The following DLGAP2 variants were observed in gnomAD, a reference collection of about 807,000 sequenced individuals.
DLGAP2 encodes the protein disks large-associated protein 2.
Under a neutral mutation model 100.3 loss-of-function variants are expected in DLGAP2, and 26 were observed. The ratio of observed to expected loss-of-function variants is 0.26; its 90% confidence interval spans 0.19 to 0.36. The LOEUF (loss-of-function observed/expected upper bound fraction) is 0.36. Ranked by LOEUF, DLGAP2 falls within the 10% of genes least tolerant of loss-of-function variation. The pLI, the probability that DLGAP2 is intolerant of heterozygous loss-of-function variation, is 1.00. For synonymous variants in DLGAP2, 886 were observed against 630.1 expected (o/e 1.41, Z -6.08); for missense variants, 1,858 against 1,453.2 (o/e 1.28, Z -4.53).
At position 1,140,310 on chromosome 8, in the gene DLGAP2, C is replaced by T. The variant is rs184141692; in HGVS notation, c.74-118541C>T. Reference sequence around the variant, plus strand: ...CCTTGGGAGGCTCTGGATGGTCCCACGCCTTCCCTCTGGCCTCCCTTCCAT... The same window carrying T: ...CCTTGGGAGGCTCTGGATGGTCCCATGCCTTCCCTCTGGCCTCCCTTCCAT... On this transcript the variant is annotated intron_variant, in intron 2 of 14. Coordinates refer to ENST00000637795, the MANE Select transcript of DLGAP2 (RefSeq NM_001346810.2). Among the ~76,000 whole-genome samples, 43 of 141,546 alleles carry T rather than the reference C, an allele frequency of 3.0e-4. 2 individuals carry two copies. The highest frequency in any genetic ancestry group is 2.9e-3 in the Admixed American group (38 of 13,194). 92.9% of individuals were successfully genotyped at this position (141,546 alleles called of 152,430 possible). A position where few individuals can be genotyped will look rare whatever the true frequency, so the allele number is the denominator to read the frequency against.
At chr8:1,213,846 G>C (rs981974687) in intron 2 of DLGAP2, among the ~76,000 whole-genome samples, 1 of 152,192 alleles carries the variant, frequency 6.6e-6, no homozygotes, top group African/African-American at 2.4e-5. Context: ...GGTGATCCCT[G>C]CTTGCCTAGA....
intron 1 of DLGAP2, among the ~76,000 whole-genome samples, chr8:818,889 T>C (rs190717936): frequency 6.6e-6 from 1 of 152,300 alleles, no homozygotes; most frequent in African/African-American, 2.4e-5. Context: ...TGATATAAAT[T>C]GATTCAACAA....
At chr8:1,588,593 C>T (rs1044271510) in intron 6 of DLGAP2, among the ~76,000 whole-genome samples, 3 of 151,938 alleles carry the variant, frequency 2.0e-5, no homozygotes, top group African/African-American at 7.3e-5. Context: ...AATATGTGTA[C>T]AGACTGTTAA....
intron 3 of DLGAP2, among the ~76,000 whole-genome samples, chr8:1,260,282 C>T (rs936839639): frequency 6.6e-6 from 1 of 152,088 alleles, no homozygotes; most frequent in Admixed American, 6.6e-5. Context: ...GCTTTGAGTT[C>T]ATTTTTCATT....
chr8:743,856 C>T (rs759567522), intron 1 of DLGAP2, among the ~76,000 whole-genome samples: 68 of 152,360 alleles, frequency 4.5e-4, no homozygotes, highest in African/African-American at 1.6e-3. Context: ...TGGGCCACTG[C>T]GCGATGCCTT....
At chr8:1,598,180 A>G (rs1366756688) in intron 6 of DLGAP2, among the ~76,000 whole-genome samples, 5 of 152,220 alleles carry the variant, frequency 3.3e-5, no homozygotes, top group Non-Finnish European at 5.9e-5. Flanking sequence ...TGATTTGCAT[A>G]TGTTGAACCA....
At chr8:1,391,322 C>G (rs1387233330) in intron 3 of DLGAP2, among the ~76,000 whole-genome samples, 1 of 152,086 alleles carries the variant, frequency 6.6e-6, no homozygotes, top group African/African-American at 2.4e-5. Flanking sequence ...TTTGGGGTAC[C>G]CTGCAGAACG....
chr8:1,224,128 G>A (rs1798369727), intron 2 of DLGAP2, among the ~76,000 whole-genome samples: 1 of 152,188 alleles, frequency 6.6e-6, no homozygotes, highest in East Asian at 1.9e-4. Context: ...GATTAAGATA[G>A]GTTTTCTCCT....
intron 6 of DLGAP2, among the ~76,000 whole-genome samples, chr8:1,607,430 A>T (rs6558500): frequency 6.6e-6 from 1 of 152,070 alleles, no homozygotes; most frequent in Non-Finnish European, 1.5e-5. Flanking sequence ...TTCTCAAAGG[A>T]AATCTAATTT....
chr8:1,554,433 C>T (rs1801886798), intron 5 of DLGAP2, among the ~76,000 whole-genome samples: 1 of 152,200 alleles, frequency 6.6e-6, no homozygotes, highest in South Asian at 2.1e-4. Context: ...CTGGGACAGC[C>T]TGGGCCACCT....
intron 10 of DLGAP2, among the ~76,000 whole-genome samples, chr8:1,674,298 G>C (rs1798759332): frequency 6.6e-6 from 1 of 152,196 alleles, no homozygotes; most frequent in Non-Finnish European, 1.5e-5. Flanking sequence ...TCCTGCCACA[G>C]CCTCCCAAAG....
intron 3 of DLGAP2, among the ~76,000 whole-genome samples, chr8:1,485,020 G>A (rs1379924637): frequency 6.6e-6 from 1 of 152,192 alleles, no homozygotes; most frequent in African/African-American, 2.4e-5. Flanking sequence ...CAATGAGGAT[G>A]AAAATTTTAC....
At chr8:1,631,209 C>T (rs889859228) in intron 7 of DLGAP2, among the ~76,000 whole-genome samples, 1 of 152,006 alleles carries the variant, frequency 6.6e-6, no homozygotes, top group African/African-American at 2.4e-5. Context: ...GAAGCATAGC[C>T]GAGGGTCCTT....
chr8:1,357,330 T>C (rs570112855), intron 3 of DLGAP2, among the ~76,000 whole-genome samples: 1 of 151,746 alleles, frequency 6.6e-6, no homozygotes, highest in Non-Finnish European at 1.5e-5. Context: ...ATGGCCAGAC[T>C]CATCACACTG....
chr8:1,455,260 C>T (rs545490328), intron 3 of DLGAP2, among the ~76,000 whole-genome samples: 7 of 152,360 alleles, frequency 4.6e-5, no homozygotes, highest in East Asian at 3.9e-4. Context: ...AGGTGGGTCC[C>T]GCCCATCTCA....
chr8:1,268,248 A>G (rs773356841), intron 3 of DLGAP2, among the ~76,000 whole-genome samples: 18 of 152,192 alleles, frequency 1.2e-4, no homozygotes, highest in Non-Finnish European at 2.2e-4. Flanking sequence ...GGTAATTTAA[A>G]CATCAGGCCG....
At chr8:1,134,038 T>C (rs746731943) in intron 2 of DLGAP2, among the ~76,000 whole-genome samples, 2 of 149,820 alleles carry the variant, frequency 1.3e-5, no homozygotes, top group Non-Finnish European at 3.0e-5. Flanking sequence ...GTTGGTCCCC[T>C]TTATGCATCC....
chr8:1,591,881 C>T (rs1042874043), intron 6 of DLGAP2, among the ~76,000 whole-genome samples: 2 of 152,202 alleles, frequency 1.3e-5, no homozygotes, highest in Non-Finnish European at 2.9e-5. Context: ...GAACTACAAA[C>T]TCCCACGGAC....
intron 2 of DLGAP2, among the ~76,000 whole-genome samples, chr8:1,184,312 T>C (rs969965891): frequency 6.6e-6 from 1 of 152,238 alleles, no homozygotes; most frequent in Non-Finnish European, 1.5e-5. Flanking sequence ...TGTACACAGG[T>C]GCTCAGTAGT....
Sources: gnomAD v4.1 joint callset for allele counts (sites outside exome capture counted in the v4.1 genomes callset) on GRCh38, gnomAD v4.1.1 for gene constraint, MANE v1.5 for transcripts, NCBI Gene and HGNC (gene_info 2026-07-23, HGNC 2026-07-21) for gene names.